EXT1: variants seen among roughly 807,000 people sequenced by gnomAD.
EXT1 encodes the protein exostosin-1.
In EXT1, 20 loss-of-function variants were observed where a neutral mutation model predicts 82.5. That is an observed-to-expected ratio of 0.24 (90% CI 0.17 to 0.35). The LOEUF (loss-of-function observed/expected upper bound fraction) is 0.35. Ranked by LOEUF, EXT1 falls within the 10% of genes least tolerant of loss-of-function variation. The probability of loss-of-function intolerance (pLI) is 1.00; values close to 1 mark genes in which losing one functional copy is unlikely to be tolerated. For missense variants in EXT1, 757 were observed against 936.5 expected, an observed-to-expected ratio of 0.81 and a Z score of 2.50; for synonymous variants, 348 against 350.8, an observed-to-expected ratio of 0.99 and a Z score of 0.09.
intron 7 of EXT1, among the ~76,000 whole-genome samples, chr8:117,814,764 T>C (rs1811771927): frequency 6.6e-6 from 1 of 152,142 alleles, no homozygotes; most frequent in Admixed American, 6.5e-5. Flanking sequence ...AACTTAACAC[T>C]GCAGACAAAG....
intron 1 of EXT1, among the ~76,000 whole-genome samples, chr8:118,029,700 A>T (rs894083718): frequency 6.6e-6 from 1 of 152,168 alleles, no homozygotes; most frequent in Non-Finnish European, 1.5e-5. Context: ...TCTGCAGATG[A>T]ACTTGATCTG....
At chr8:118,107,901 T>C (rs1359049407) in intron 1 of EXT1, among the ~76,000 whole-genome samples, 1 of 152,056 alleles carries the variant, frequency 6.6e-6, no homozygotes, top group Non-Finnish European at 1.5e-5. Flanking sequence ...ATAATGAAAA[T>C]CCAGAAGTGT....
chr8:117,906,227 G>T (rs1048756847), intron 1 of EXT1, among the ~76,000 whole-genome samples: 3 of 152,096 alleles, frequency 2.0e-5, no homozygotes, highest in Non-Finnish European at 4.4e-5. Flanking sequence ...CTCTCACAAG[G>T]CAAATGCTCA....
At chr8:118,090,786 A>AAAAAAAAAAAAAAAC in intron 1 of EXT1, among the ~76,000 whole-genome samples, 1 of 136,858 alleles carries the variant, frequency 7.3e-6, no homozygotes, top group Admixed American at 7.0e-5. Context: ...CTCAAAAAAA[A>AAAAAAAAAAAAAAAC]AAAAAAAAAA....
At chr8:118,028,388 T>C (rs1171508153) in intron 1 of EXT1, among the ~76,000 whole-genome samples, 1 of 152,212 alleles carries the variant, frequency 6.6e-6, no homozygotes, top group Non-Finnish European at 1.5e-5. Context: ...TGATAGAAAT[T>C]CCAACATGTT....
chr8:117,963,198 TGTTAA>T (rs1363999747), intron 1 of EXT1, among the ~76,000 whole-genome samples: 1 of 152,098 alleles, frequency 6.6e-6, no homozygotes, highest in African/African-American at 2.4e-5. Context: ...TTAGGGCAGG[TGTTAA>T]GTTAAATGCC....
At chr8:117,890,601 T>C (rs1053804151) in intron 1 of EXT1, among the ~76,000 whole-genome samples, 6 of 152,212 alleles carry the variant, frequency 3.9e-5, no homozygotes, top group African/African-American at 1.4e-4. Flanking sequence ...GAAGAGAGTC[T>C]ATAGTTGTTG....
intron 1 of EXT1, among the ~76,000 whole-genome samples, chr8:117,932,224 T>C (rs905017824): frequency 1.3e-5 from 2 of 152,148 alleles, no homozygotes; most frequent in Non-Finnish European, 2.9e-5. Context: ...ATGAAAACTA[T>C]TGAACAGAAA....
intron 10 of EXT1, among the ~76,000 whole-genome samples, chr8:117,802,928 A>C (rs576254981): frequency 6.6e-6 from 1 of 152,352 alleles, no homozygotes; most frequent in East Asian, 1.9e-4. Flanking sequence ...AATTCTTTAT[A>C]AACTTTAAAT....
intron 1 of EXT1, among the ~76,000 whole-genome samples, chr8:117,938,185 G>T (rs1329560941): frequency 6.6e-6 from 1 of 152,128 alleles, no homozygotes; most frequent in Non-Finnish European, 1.5e-5. Flanking sequence ...AAACAGACCA[G>T]GCACGGTGGC....
rs199707526 is a variant in EXT1 at position 117,985,925 on chromosome 8, T to C, written c.962+124160A>G. ...ATCACTTTGTTTTCTCCCTGTGCAC[T>C]GTTCTTCAACTTCAATAATATAATT... is the stretch of plus-strand genomic sequence containing the variant. On this transcript the variant is annotated intron_variant, in intron 1 of 10. Coordinates refer to ENST00000378204, the MANE Select transcript of EXT1 (RefSeq NM_000127.3). Among the ~76,000 whole-genome samples the C allele has an allele frequency of 9.2e-5, 14 of 152,336 alleles. No individual in the cohort carries two copies. The East Asian group carries it at 2.7e-3, about 29-fold the overall frequency.
At chr8:117,923,326 A>G (rs1813891684) in intron 1 of EXT1, among the ~76,000 whole-genome samples, 1 of 151,920 alleles carries the variant, frequency 6.6e-6, no homozygotes, top group South Asian at 2.1e-4. Flanking sequence ...CAAAAACACA[A>G]AAAGAAGGAA....
intron 1 of EXT1, among the ~76,000 whole-genome samples, chr8:117,966,385 C>T (rs1286888887): frequency 1.3e-5 from 2 of 152,190 alleles, no homozygotes; most frequent in Admixed American, 6.5e-5. Context: ...TCCTAAAGTG[C>T]TTTACATACA....
chr8:118,003,170 A>G (rs1815707118), intron 1 of EXT1, among the ~76,000 whole-genome samples: 1 of 152,168 alleles, frequency 6.6e-6, no homozygotes, highest in African/African-American at 2.4e-5. Context: ...CAAACATCAT[A>G]TGTTCTCACT....
chr8:118,110,898 C>T lies in EXT1; in HGVS notation c.149G>A (p.Ser50Asn), dbSNP rs2130045274. 6.2e-7 allele frequency: 1 copy of T among 1,614,066 alleles called. No homozygotes were observed. The highest frequency in any genetic ancestry group is 1.7e-5 in the Admixed American group (1 of 60,014). ...HSGRNGLHHP[S>N]PDHFWPRFPD... is the part of the protein sequence containing the mutation. The stretch of plus-strand genomic sequence containing the variant: ...GAAGCGGGGCCAGAAATGATCCGGA[C>T]TGGGGTGGTGCAAGCCATTCCTACC... The change falls in exon 1 of 11, where the codon AGT becomes AAT. Residue 50 changes from serine to asparagine, a missense_variant. Ser to Asn is a conservative substitution (Grantham distance 46). Transcript: ENST00000378204.
intron 8 of EXT1, among the ~76,000 whole-genome samples, chr8:117,810,110 C>G (rs190948728): frequency 2.0e-5 from 3 of 152,166 alleles, no homozygotes; most frequent in Non-Finnish European, 1.5e-5. Context: ...GTTTAAGGCC[C>G]TTTCTCTCAA....
intron 1 of EXT1, among the ~76,000 whole-genome samples, chr8:117,943,244 C>T (rs889736099): frequency 1.2e-4 from 18 of 152,130 alleles, no homozygotes; most frequent in Non-Finnish European, 7.4e-5. Context: ...TAGGGGTAAA[C>T]AGACACTACT....
At chr8:117,852,454 T>C (rs1812471832) in intron 1 of EXT1, among the ~76,000 whole-genome samples, 1 of 152,234 alleles carries the variant, frequency 6.6e-6, no homozygotes, top group Admixed American at 6.5e-5. Flanking sequence ...GGGGACTTGA[T>C]AGAACAGGTG....
chr8:117,993,774 A>C (rs1815482177), intron 1 of EXT1, among the ~76,000 whole-genome samples: 1 of 152,210 alleles, frequency 6.6e-6, no homozygotes, highest in Non-Finnish European at 1.5e-5. Context: ...ACCTTTGATT[A>C]GGCTATGGAA....
Sources: gnomAD v4.1 joint callset for allele counts (sites outside exome capture counted in the v4.1 genomes callset) on GRCh38, gnomAD v4.1.1 for gene constraint, MANE v1.5 for transcripts, NCBI Gene and HGNC (gene_info 2026-07-23, HGNC 2026-07-21) for gene names.